Variants in BRD10 observed in about 807,000 individuals in gnomAD.
BRD10 encodes the protein uncharacterized bromodomain-containing protein 10.
At chr9:5,953,992 T>G in the BRD10 span, 1 of 1,449,250 alleles carries the variant, frequency 6.9e-7, no homozygotes, top group Non-Finnish European at 9.5e-7. Flanking sequence ...TTGAAAAATT[T>G]CGAGACAAAG....
At chr9:5,884,766 C>G in the BRD10 span, among the ~76,000 whole-genome samples, 1 of 152,172 alleles carries the variant, frequency 6.6e-6, no homozygotes, top group East Asian at 1.9e-4. Context: ...CATTTTAATC[C>G]GTTCCTGTAA....
chr9:5,922,258 T>C, the BRD10 span: 1 of 1,613,970 alleles, frequency 6.2e-7, no homozygotes, highest in Non-Finnish European at 8.5e-7. Context: ...TACCAGGATT[T>C]GTAGACCCAT....
At chr9:5,990,354 A>G in the BRD10 span, among the ~76,000 whole-genome samples, 2 of 152,230 alleles carry the variant, frequency 1.3e-5, no homozygotes, top group African/African-American at 2.4e-5. Context: ...ACAATATTGC[A>G]TTGAAAAATA....
the BRD10 span, among the ~76,000 whole-genome samples, chr9:5,958,585 G>A: frequency 6.6e-6 from 1 of 152,136 alleles, no homozygotes; most frequent in Non-Finnish European, 1.5e-5. Context: ...CCCGGAGTTC[G>A]AGGCCAGGTG....
chr9:5,950,162 A>G, the BRD10 span, among the ~76,000 whole-genome samples: 1 of 152,206 alleles, frequency 6.6e-6, no homozygotes, highest in Admixed American at 6.5e-5. Context: ...AGGCTTAATC[A>G]TGTGCCACTT....
chr9:5,949,893 GTCTT>G, the BRD10 span, among the ~76,000 whole-genome samples: 1 of 152,106 alleles, frequency 6.6e-6, no homozygotes, highest in Non-Finnish European at 1.5e-5. Flanking sequence ...CAGTCTAATA[GTCTT>G]TCTTTGATTA....
At chr9:5,940,732 A>C in the BRD10 span, among the ~76,000 whole-genome samples, 8 of 152,142 alleles carry the variant, frequency 5.3e-5, no homozygotes, top group Non-Finnish European at 8.8e-5. Context: ...TAAATTCCAA[A>C]TATCATCACA....
the BRD10 span, among the ~76,000 whole-genome samples, chr9:5,882,833 A>G: frequency 2.6e-5 from 4 of 152,202 alleles, no homozygotes; most frequent in Non-Finnish European, 4.4e-5. Flanking sequence ...GCAGCCATAA[A>G]AAAGGATGAG....
chr9:5,943,460 G>A, the BRD10 span, among the ~76,000 whole-genome samples: 1,104 of 150,418 alleles, frequency 7.3e-3, 15 homozygotes, highest in African/African-American at 0.026. Context: ...AACAACCTCT[G>A]CAAAAAACAG....
At chr9:5,994,260 T>C in the BRD10 span, among the ~76,000 whole-genome samples, 3 of 152,134 alleles carry the variant, frequency 2.0e-5, no homozygotes, top group Admixed American at 6.5e-5. Context: ...TAAAACATAA[T>C]AGTAAAGTAT....
the BRD10 span, among the ~76,000 whole-genome samples, chr9:5,946,101 A>G: frequency 6.6e-6 from 1 of 152,094 alleles, no homozygotes; most frequent in Admixed American, 6.6e-5. Context: ...AGTGACAAAA[A>G]TAAGACAGAG....
the BRD10 span, among the ~76,000 whole-genome samples, chr9:5,912,078 A>G: frequency 2.0e-5 from 3 of 152,104 alleles, no homozygotes; most frequent in Non-Finnish European, 2.9e-5. Context: ...TCAATGTTTT[A>G]GTTTTAATTG....
the BRD10 span, among the ~76,000 whole-genome samples, chr9:5,880,579 A>T: frequency 6.6e-6 from 1 of 152,218 alleles, no homozygotes; most frequent in African/African-American, 2.4e-5. Flanking sequence ...GCTCTTAAAA[A>T]GTCTGAATTA....
At chr9:5,992,485 C>T in the BRD10 span, among the ~76,000 whole-genome samples, 2 of 152,022 alleles carry the variant, frequency 1.3e-5, no homozygotes, top group Non-Finnish European at 2.9e-5. Context: ...ATAGGGTTGT[C>T]AAATAATCAA....
chr9:5,958,008 A>G, the BRD10 span, among the ~76,000 whole-genome samples: 38 of 152,146 alleles, frequency 2.5e-4, no homozygotes, highest in African/African-American at 9.2e-4. Context: ...AAATTCTCAA[A>G]CCTATAATTA....
At chr9:5,973,496 A>T in the BRD10 span, among the ~76,000 whole-genome samples, 1 of 152,196 alleles carries the variant, frequency 6.6e-6, no homozygotes, top group African/African-American at 2.4e-5. Flanking sequence ...AACATAAAAT[A>T]AAATACATAA....
the BRD10 span, chr9:5,929,252 T>G: frequency 4.6e-6 from 3 of 653,488 alleles, no homozygotes; most frequent in Non-Finnish European, 5.3e-6. Flanking sequence ...ACACCAATAC[T>G]CCATAAAAAC....
the BRD10 span, among the ~76,000 whole-genome samples, chr9:5,882,212 C>G: frequency 6.6e-6 from 1 of 152,260 alleles, no homozygotes; most frequent in South Asian, 2.1e-4. Context: ...GAGGGCATCT[C>G]TGTCTTTGTC....
the BRD10 span, among the ~76,000 whole-genome samples, chr9:5,914,581 G>T: frequency 2.2e-4 from 34 of 151,612 alleles, no homozygotes; most frequent in Admixed American, 1.3e-3. Context: ...CCACCACCAC[G>T]CTCGGCTAAT....
Sources: gnomAD v4.1 joint callset for allele counts (sites outside exome capture counted in the v4.1 genomes callset) on GRCh38, gnomAD v4.1.1 for gene constraint, MANE v1.5 for transcripts, NCBI Gene and HGNC (gene_info 2026-07-23, HGNC 2026-07-21) for gene names.